Variants in RASAL2 observed in about 807,000 individuals in gnomAD.
RASAL2 encodes the protein RAS protein activator like 2.
In RASAL2, 58 loss-of-function variants were observed where a neutral mutation model predicts 128.9. That is an observed-to-expected ratio of 0.45 (90% CI 0.36 to 0.56). RASAL2 has a LOEUF of 0.56. RASAL2 is among the 20% of genes least tolerant of loss of function. RASAL2 has a pLI of 0.00. For missense variants in RASAL2, 1,360 were observed against 1,601.6 expected (o/e 0.85, Z 2.57); for synonymous variants, 561 against 580.8 (o/e 0.97, Z 0.49).
At chr1:178,406,793 A>G (rs1402984807) in intron 4 of RASAL2, among the ~76,000 whole-genome samples, 1 of 151,672 alleles carries the variant, frequency 6.6e-6, no homozygotes, top group Non-Finnish European at 1.5e-5. Flanking sequence ...ACATGTTATA[A>G]TGTAATACCT....
chr1:178,152,648 A>G (rs1028468966), intron 1 of RASAL2, among the ~76,000 whole-genome samples: 15 of 152,146 alleles, frequency 9.9e-5, no homozygotes, highest in African/African-American at 3.4e-4. Context: ...CTGGCAACAG[A>G]GCTAGACTCT....
At chr1:178,238,515 G>A (rs1462185918) in intron 1 of RASAL2, among the ~76,000 whole-genome samples, 1 of 151,896 alleles carries the variant, frequency 6.6e-6, no homozygotes, top group African/African-American at 2.4e-5. Flanking sequence ...TTTTCCATTT[G>A]TTATCTGAAC....
intron 3 of RASAL2, among the ~76,000 whole-genome samples, chr1:178,349,719 A>G (rs1205995948): frequency 6.6e-6 from 1 of 152,152 alleles, no homozygotes; most frequent in African/African-American, 2.4e-5. Flanking sequence ...TATAGTTACT[A>G]AAGAGTTGAT....
intron 3 of RASAL2, among the ~76,000 whole-genome samples, chr1:178,340,428 G>C (rs1311474985): frequency 6.6e-6 from 1 of 151,970 alleles, no homozygotes; most frequent in African/African-American, 2.4e-5. Flanking sequence ...TTACATAGTT[G>C]ACTTGCCTTT....
intron 1 of RASAL2, among the ~76,000 whole-genome samples, chr1:178,279,059 G>A (rs1182026477): frequency 2.0e-5 from 3 of 152,164 alleles, no homozygotes; most frequent in African/African-American, 7.2e-5. Context: ...TTTAGACTTA[G>A]TGGCAGGCCA....
intron 4 of RASAL2, among the ~76,000 whole-genome samples, chr1:178,402,471 A>G (rs1673700861): frequency 6.6e-6 from 1 of 152,146 alleles, no homozygotes; most frequent in Non-Finnish European, 1.5e-5. Context: ...TTTGGTGCCA[A>G]ATTTACAATG....
At chr1:178,267,982 T>C (rs1481370968) in intron 1 of RASAL2, among the ~76,000 whole-genome samples, 1 of 152,034 alleles carries the variant, frequency 6.6e-6, no homozygotes, top group African/African-American at 2.4e-5. Context: ...ACTTCCTTGC[T>C]TTGTTCAAGC....
intron 1 of RASAL2, among the ~76,000 whole-genome samples, chr1:178,220,961 C>T (rs189733218): frequency 1.3e-5 from 2 of 152,268 alleles, no homozygotes; most frequent in East Asian, 1.9e-4. Context: ...CTGAATTGTA[C>T]GTTAAGAGTA....
intron 1 of RASAL2, among the ~76,000 whole-genome samples, chr1:178,127,441 T>TCTCC (rs1348013624): frequency 1.3e-5 from 2 of 152,186 alleles, no homozygotes; most frequent in Non-Finnish European, 2.9e-5. Context: ...GCAGTAACTC[T>TCTCC]TTCTTTGCCA....
intron 4 of RASAL2, among the ~76,000 whole-genome samples, chr1:178,393,708 A>G (rs1055276025): frequency 2.0e-5 from 3 of 152,170 alleles, no homozygotes; most frequent in Non-Finnish European, 2.9e-5. Flanking sequence ...TCCAATTGCA[A>G]TTATTTGTTT....
chr1:178,192,258 C>G (rs1662520191), intron 1 of RASAL2, among the ~76,000 whole-genome samples: 2 of 152,124 alleles, frequency 1.3e-5, no homozygotes, highest in African/African-American at 4.8e-5. Flanking sequence ...TGTTATACTA[C>G]TTTTATTTCA....
At chr1:178,437,208 G>A (rs1388324474) in intron 5 of RASAL2, among the ~76,000 whole-genome samples, 3 of 152,118 alleles carry the variant, frequency 2.0e-5, no homozygotes, top group African/African-American at 7.2e-5. Context: ...AAATTGTTTG[G>A]ATAGATGAAG....
intron 7 of RASAL2, 115 bp downstream of exon 7, chr1:178,441,762 C>T (rs1676666445): frequency 1.4e-6 from 1 of 717,114 alleles, no homozygotes; most frequent in African/African-American, 1.8e-5. Flanking sequence ...TTTTAAAGCA[C>T]ATTTATATGT....
chr1:178,101,819 G>A (rs1386551645), intron 1 of RASAL2, among the ~76,000 whole-genome samples: 1 of 152,128 alleles, frequency 6.6e-6, no homozygotes, highest in African/African-American at 2.4e-5. Context: ...CCTTCCCTTA[G>A]GGAGATGGCC....
intron 1 of RASAL2, among the ~76,000 whole-genome samples, chr1:178,135,312 G>T (rs1477980797): frequency 1.3e-5 from 2 of 152,044 alleles, no homozygotes; most frequent in East Asian, 3.8e-4. Context: ...CCTTGATGGA[G>T]CTTATGTTGA....
intron 4 of RASAL2, among the ~76,000 whole-genome samples, chr1:178,417,137 G>A (rs1219534688): frequency 6.6e-6 from 1 of 151,716 alleles, no homozygotes; most frequent in African/African-American, 2.4e-5. Context: ...CCCATTACAC[G>A]TTACGCCTTT....
intron 1 of RASAL2, among the ~76,000 whole-genome samples, chr1:178,240,467 G>GT (rs997562164): frequency 4.0e-5 from 6 of 150,484 alleles, no homozygotes; most frequent in South Asian, 4.2e-4. Flanking sequence ...TTTTTATCCA[G>GT]TTTTTTTTTC....
In RASAL2 at chr1:178,410,518, T is replaced by G. The variant is rs575346126; in HGVS notation, c.565-9993T>G. ...CAAATGCAACAAAAGTAAAGATAAA[T>G]AGATGGAACCTAATAAAACTAAAAA... is the stretch of plus-strand genomic sequence containing the variant. On this transcript the variant is annotated intron_variant, in intron 4 of 17. Transcript: ENST00000367649. Among the ~76,000 whole-genome samples the G allele has an allele frequency of 6.6e-5, 10 of 152,002 alleles. No individual in the cohort carries two copies. In the South Asian group the frequency reaches 2.1e-3, roughly 32 times the overall value.
intron 5 of RASAL2, among the ~76,000 whole-genome samples, chr1:178,426,521 T>C (rs1019260748): frequency 6.6e-6 from 1 of 152,118 alleles, no homozygotes; most frequent in Non-Finnish European, 1.5e-5. Flanking sequence ...GTACCACATA[T>C]TGGATGATTC....
Sources: gnomAD v4.1 joint callset for allele counts (sites outside exome capture counted in the v4.1 genomes callset) on GRCh38, gnomAD v4.1.1 for gene constraint, MANE v1.5 for transcripts, NCBI Gene and HGNC (gene_info 2026-07-23, HGNC 2026-07-21) for gene names.